HSP90AA1: variants seen among roughly 807,000 people sequenced by gnomAD.
The protein encoded by HSP90AA1 is heat shock protein HSP 90-alpha.
HSP90AA1 carries 18 observed loss-of-function variants against 73.3 expected under a neutral mutation model. The ratio of observed to expected loss-of-function variants is 0.25; its 90% confidence interval spans 0.17 to 0.36. The LOEUF (loss-of-function observed/expected upper bound fraction) is 0.36, where lower values mean the gene tolerates loss of function less well. HSP90AA1 is among the 10% of genes least tolerant of loss of function. The pLI is 1.00. For missense variants in HSP90AA1, 704 were observed against 874.2 expected, an observed-to-expected ratio of 0.81 and a Z score of 2.45; for synonymous variants, 477 against 296.9, an observed-to-expected ratio of 1.61 and a Z score of -6.24.
chr14:102,117,124 G>T (rs539797599), intron 1 of HSP90AA1, among the ~76,000 whole-genome samples: 2 of 152,322 alleles, frequency 1.3e-5, no homozygotes, highest in Non-Finnish European at 2.9e-5. Flanking sequence ...GTAATGAGGA[G>T]CATGGGAGAG....
intron 1 of HSP90AA1, among the ~76,000 whole-genome samples, chr14:102,134,165 C>T (rs899240530): frequency 2.0e-5 from 3 of 150,510 alleles, no homozygotes; most frequent in African/African-American, 4.9e-5. Context: ...AAAAAAAACC[C>T]CGTCTCTATA....
At chr14:102,100,485 G>T (rs2152619088) in intron 2 of HSP90AA1, among the ~76,000 whole-genome samples, 1 of 149,714 alleles carries the variant, frequency 6.7e-6, no homozygotes, top group Non-Finnish European at 1.5e-5. Flanking sequence ...GAGTGCAATG[G>T]CACGATCTCA....
chr14:102,084,119 G>A, intron 6 of HSP90AA1, 136 bp from the exon 7 acceptor site: 2 of 801,858 alleles, frequency 2.5e-6, no homozygotes, highest in Non-Finnish European at 4.2e-6. Context: ...GCCCAGGCTG[G>A]AGGGCAGTGG....
At chr14:102,138,674 C>T (rs561541556) in intron 1 of HSP90AA1, among the ~76,000 whole-genome samples, 10 of 152,174 alleles carry the variant, frequency 6.6e-5, no homozygotes, top group Non-Finnish European at 1.2e-4. Flanking sequence ...TCTTTTGTGC[C>T]CCTCCAGATA....
chr14:102,102,102 A>C (rs1206349888), intron 1 of HSP90AA1: 14 of 1,606,234 alleles, frequency 8.7e-6, no homozygotes, highest in South Asian at 3.3e-5. Context: ...ACATAAACAC[A>C]ATCTTCTGGA....
In HSP90AA1 at chr14:102,082,447, G is replaced by T; in HGVS notation, c.1756-3C>A. The T allele has an allele frequency of 6.2e-7, 1 of 1,608,608 alleles. No individual in the cohort carries two copies. The highest frequency in any genetic ancestry group is 1.1e-5 in the South Asian group (1 of 91,042). ...ACCAATCGGTTTGACACAACCACCT[G>T]TAATCAAAAAGTGATGACTAGGAAC... On this transcript the variant is annotated splice_region_variant and splice_polypyrimidine_tract_variant and intron_variant, in intron 9 of 10. Transcript: ENST00000216281.
chr14:102,094,571 A>G (rs1249365328), intron 2 of HSP90AA1, among the ~76,000 whole-genome samples: 1 of 152,192 alleles, frequency 6.6e-6, no homozygotes, highest in Non-Finnish European at 1.5e-5. Flanking sequence ...AGAGTTTGCA[A>G]GAGCCCTGAG....
At chr14:102,136,220 G>A (rs1461262346) in intron 1 of HSP90AA1, among the ~76,000 whole-genome samples, 1 of 152,208 alleles carries the variant, frequency 6.6e-6, no homozygotes, top group Non-Finnish European at 1.5e-5. Flanking sequence ...AATGATTCAA[G>A]TTTGAAATGA....
chr14:102,121,022 T>TACACACAC (rs1196251138), intron 1 of HSP90AA1, among the ~76,000 whole-genome samples: 4 of 145,188 alleles, frequency 2.8e-5, no homozygotes, highest in East Asian at 2.0e-4. Context: ...CACACACACA[T>TACACACAC]ACACACACAC....
upstream of HSP90AA1, among the ~76,000 whole-genome samples, chr14:102,089,616 T>C (rs2049326102): frequency 6.6e-6 from 1 of 152,036 alleles, no homozygotes; most frequent in Non-Finnish European, 1.5e-5. Context: ...CTCTCACTAA[T>C]AGAACTTGTG....
chr14:102,129,944 G>C (rs1035206188), intron 1 of HSP90AA1, among the ~76,000 whole-genome samples: 4 of 151,948 alleles, frequency 2.6e-5, no homozygotes, highest in African/African-American at 4.8e-5. Context: ...GAACATTCAC[G>C]TATAAGTTTT....
exon 1 of HSP90AA1, chr14:102,139,267 C>G (rs1272486727): frequency 6.2e-7 from 1 of 1,614,104 alleles, no homozygotes; most frequent in Non-Finnish European, 8.5e-7. Flanking sequence ...GAAACGGCGG[C>G]GAGGAGGCTT....
chr14:102,112,458 G>A (rs1465448406), intron 1 of HSP90AA1, among the ~76,000 whole-genome samples: 1 of 152,182 alleles, frequency 6.6e-6, no homozygotes, highest in Non-Finnish European at 1.5e-5. Flanking sequence ...ACGGGCGTGA[G>A]CCACCGTGCC....
upstream of HSP90AA1, among the ~76,000 whole-genome samples, chr14:102,090,920 A>T (rs1396393581): frequency 6.6e-6 from 1 of 152,218 alleles, no homozygotes; most frequent in Non-Finnish European, 1.5e-5. Context: ...TTCTGGATCC[A>T]GGTGGCCTGG....
In HSP90AA1 at chr14:102,124,335, G is replaced by A. The variant is rs1017694031; in HGVS notation, c.155+14915C>T. ...GCCTCCCACATAGCTGGGATTACAG[G>A]TGCTCGCCACCATGCCCAGCTAATT... On this transcript the variant is annotated intron_variant, in intron 1 of 11. Transcript: ENST00000334701. Among the ~76,000 whole-genome samples, 3 of 151,310 alleles carry A rather than the reference G, an allele frequency of 2.0e-5. No homozygotes were observed. In the South Asian group the frequency reaches 6.2e-4, roughly 32 times the overall value.
intron 1 of HSP90AA1, among the ~76,000 whole-genome samples, chr14:102,119,195 T>C (rs187905764): frequency 1.3e-3 from 203 of 152,232 alleles, no homozygotes; most frequent in African/African-American, 4.6e-3. Flanking sequence ...AACTTTGAAG[T>C]AATATTGCCT....
intron 2 of HSP90AA1, among the ~76,000 whole-genome samples, chr14:102,100,844 C>T (rs548763058): frequency 6.6e-6 from 1 of 152,350 alleles, no homozygotes; most frequent in South Asian, 2.1e-4. Flanking sequence ...ACTTGACTTC[C>T]ATGTACTTCA....
rs1351357127 is a variant in HSP90AA1 at position 102,084,423 on chromosome 14, C to G, written c.1123G>C (p.Glu375Gln). The G allele has an allele frequency of 6.2e-7, 1 of 1,612,868 alleles. No homozygotes were observed. Among genetic ancestry groups the G allele is most frequent in the Non-Finnish European group, 8.5e-7 (1 of 1,178,964 alleles). Reference sequence around the variant, plus strand: ...CTCAGATATTCAGGGATTAGCTCCTCACAGTTATCCATGATGAAAACTCTG... The same window carrying G: ...CTCAGATATTCAGGGATTAGCTCCTGACAGTTATCCATGATGAAAACTCTG... ...VRRVFIMDNC[E>Q]ELIPEYLNFI... The change falls in exon 6 of 11, where the codon GAG becomes CAG. Residue 375 changes from glutamate to glutamine, a missense_variant. Transcript: ENST00000216281.
intron 1 of HSP90AA1, among the ~76,000 whole-genome samples, chr14:102,102,594 G>A (rs1436838378): frequency 2.6e-5 from 4 of 152,192 alleles, no homozygotes; most frequent in Non-Finnish European, 5.9e-5. Flanking sequence ...AATGACACGA[G>A]TTCCCTGTTC....
Sources: allele counts gnomAD v4.1 joint callset (sites outside exome capture counted in the v4.1 genomes callset), GRCh38; gene constraint gnomAD v4.1.1; transcripts MANE v1.5; gene names NCBI Gene and HGNC (gene_info 2026-07-23, HGNC 2026-07-21).